Variants in VAPB observed in about 807,000 individuals in gnomAD.
The protein encoded by VAPB is vesicle-associated membrane protein-associated protein B/C.
In VAPB, 7 loss-of-function variants were observed where a neutral mutation model predicts 25.6. That is an observed-to-expected ratio of 0.27 (90% CI 0.16 to 0.51). The LOEUF (loss-of-function observed/expected upper bound fraction) is 0.51, where lower values mean the gene tolerates loss of function less well. VAPB is among the 20% of genes least tolerant of loss of function. The pLI is 0.97. For missense variants in VAPB, 266 were observed against 301.3 expected, an observed-to-expected ratio of 0.88 and a Z score of 0.87; for synonymous variants, 112 against 109.2, an observed-to-expected ratio of 1.03 and a Z score of -0.16.
At chr20:58,410,405 C>T (rs1403540071) in intron 1 of VAPB, among the ~76,000 whole-genome samples, 1 of 151,942 alleles carries the variant, frequency 6.6e-6, no homozygotes, top group Non-Finnish European at 1.5e-5. Flanking sequence ...TTTATCAACA[C>T]CGTATTTATT....
At chr20:58,418,975 G>A (rs1160313695) in intron 2 of VAPB, among the ~76,000 whole-genome samples, 1 of 152,196 alleles carries the variant, frequency 6.6e-6, no homozygotes, top group African/African-American at 2.4e-5. Flanking sequence ...AAAAATACTG[G>A]TAAAGTGCCC....
intron 3 of VAPB, among the ~76,000 whole-genome samples, chr20:58,436,115 CAG>C (rs1251185004): frequency 2.0e-5 from 3 of 151,998 alleles, no homozygotes; most frequent in Admixed American, 2.0e-4. Flanking sequence ...ACTTGCTTAT[CAG>C]AGTGTGTAAT....
chr20:58,413,139 CTTTTTT>C (rs11481028), intron 1 of VAPB, among the ~76,000 whole-genome samples: 2 of 132,600 alleles, frequency 1.5e-5, no homozygotes, highest in African/African-American at 5.7e-5. Flanking sequence ...TATTTGCCTT[CTTTTTT>C]TTTTTTTTTT....
chr20:58,437,069 G>A (rs776435287), intron 3 of VAPB, among the ~76,000 whole-genome samples: 24 of 130,696 alleles, frequency 1.8e-4, no homozygotes, highest in Non-Finnish European at 2.9e-4. Context: ...GTGCAGTCAT[G>A]GCTTGACCTC....
intron 1 of VAPB, among the ~76,000 whole-genome samples, chr20:58,417,262 G>A (rs557728373): frequency 6.6e-6 from 1 of 152,268 alleles, no homozygotes; most frequent in Admixed American, 6.5e-5. Flanking sequence ...CAAGTTTCAG[G>A]TTAATAGGAA....
At chr20:58,419,461 A>G (rs1256554080) in intron 2 of VAPB, among the ~76,000 whole-genome samples, 1 of 152,212 alleles carries the variant, frequency 6.6e-6, no homozygotes, top group Non-Finnish European at 1.5e-5. Flanking sequence ...CGAAGCCAGC[A>G]TTGATTGAGG....
intron 5 of VAPB, among the ~76,000 whole-genome samples, chr20:58,442,359 T>C (rs1989180906): frequency 6.6e-6 from 1 of 152,230 alleles, no homozygotes; most frequent in African/African-American, 2.4e-5. Flanking sequence ...TTCTCGAGTG[T>C]ATTTCTCTTC....
intron 3 of VAPB, among the ~76,000 whole-genome samples, chr20:58,437,339 A>G (rs1989071231): frequency 6.6e-6 from 1 of 151,752 alleles, no homozygotes; most frequent in Admixed American, 6.6e-5. Context: ...TTCTGGATTT[A>G]TTTGATTATT....
At chr20:58,412,979 C>T (rs1317809020) in intron 1 of VAPB, among the ~76,000 whole-genome samples, 2 of 152,162 alleles carry the variant, frequency 1.3e-5, no homozygotes, top group Non-Finnish European at 2.9e-5. Flanking sequence ...CACCTGGAAC[C>T]TGACCTCTTC....
At chr20:58,405,376 T>A (rs1445902626) in intron 1 of VAPB, among the ~76,000 whole-genome samples, 1 of 152,196 alleles carries the variant, frequency 6.6e-6, no homozygotes, top group Non-Finnish European at 1.5e-5. Flanking sequence ...GGCAGGAGCC[T>A]TGCCGGTAGG....
At chr20:58,405,971 ATAGAGGAATG>A (rs1988221632) in intron 1 of VAPB, among the ~76,000 whole-genome samples, 1 of 152,030 alleles carries the variant, frequency 6.6e-6, no homozygotes, top group Non-Finnish European at 1.5e-5. Flanking sequence ...GTAGAGGAAT[ATAGAGGAATG>A]TAGATTAAAT....
At chr20:58,426,619 G>A (rs561237669) in intron 2 of VAPB, among the ~76,000 whole-genome samples, 1 of 152,326 alleles carries the variant, frequency 6.6e-6, no homozygotes, top group East Asian at 1.9e-4. Context: ...GGGCCAGATT[G>A]TGAAAAGCTG....
intron 1 of VAPB, among the ~76,000 whole-genome samples, chr20:58,402,996 CTG>C (rs1397583617): frequency 6.6e-6 from 1 of 152,044 alleles, no homozygotes; most frequent in Non-Finnish European, 1.5e-5. Flanking sequence ...CAGAGCAAGA[CTG>C]TATCTCAAAA....
intron 3 of VAPB, among the ~76,000 whole-genome samples, chr20:58,437,785 G>T (rs1204176990): frequency 1.3e-5 from 2 of 152,192 alleles, no homozygotes; most frequent in Non-Finnish European, 2.9e-5. Flanking sequence ...GTGGCAGCAT[G>T]CTGTTCCGTT....
chr20:58,441,805 A>G (rs1568720478), intron 5 of VAPB, among the ~76,000 whole-genome samples: 1 of 152,246 alleles, frequency 6.6e-6, no homozygotes, highest in Non-Finnish European at 1.5e-5. Context: ...CTCTGTTTTA[A>G]TGCAAGTATA....
At chr20:58,404,630 A>C (rs898301116) in intron 1 of VAPB, among the ~76,000 whole-genome samples, 1 of 152,224 alleles carries the variant, frequency 6.6e-6, no homozygotes, top group African/African-American at 2.4e-5. Flanking sequence ...CTGTGCCTCA[A>C]ATTTCTCCCT....
At chr20:58,419,531 G>C (rs899208538) in intron 2 of VAPB, among the ~76,000 whole-genome samples, 1 of 152,296 alleles carries the variant, frequency 6.6e-6, no homozygotes, top group African/African-American at 2.4e-5. Context: ...TACCTGCCCT[G>C]TAAGGGATGC....
At position 58,444,640 on chromosome 20, in the gene VAPB, G is replaced by T. The variant is rs977093512; in HGVS notation, c.*405G>T. The T allele has an allele frequency of 2.2e-6, 1 of 454,984 alleles. No individual in the cohort carries two copies. The highest frequency in any genetic ancestry group is 4.4e-6 in the Non-Finnish European group (1 of 227,394). The allele number at this position is 454,984 out of a possible 1,614,324, so 28.2% of individuals were successfully genotyped here. ...GGGAGCTGGAGCCCAGCATGCTGGG[G>T]AGTGCGGTCAGCTCCACACAGTAGT... On this transcript the variant is annotated 3_prime_UTR_variant, in exon 6 of 6. Coordinates refer to ENST00000475243, the MANE Select transcript of VAPB (RefSeq NM_004738.5).
At position 58,410,369 on chromosome 20, in the gene VAPB, T is replaced by A. The variant is rs1253060662; in HGVS notation, c.59-7842T>A. ...TTACTGTCCTAAAACTGCTCTATGC[T>A]CCTTGTGTTCTTTCCTCCCTTAAAT... On this transcript the variant is annotated intron_variant, in intron 1 of 5. Transcript: ENST00000475243. Among the ~76,000 whole-genome samples, 3 of 152,218 alleles carry A rather than the reference T, an allele frequency of 2.0e-5. 1 individual carries two copies. Among genetic ancestry groups the A allele is most frequent in the Admixed American group, 2.0e-4 (3 of 15,282 alleles).
Sources: gnomAD v4.1 joint callset for allele counts (sites outside exome capture counted in the v4.1 genomes callset) on GRCh38, gnomAD v4.1.1 for gene constraint, MANE v1.5 for transcripts, NCBI Gene and HGNC (gene_info 2026-07-23, HGNC 2026-07-21) for gene names.